NDE1: variants seen among roughly 807,000 people sequenced by gnomAD.
NDE1 encodes the protein nudE neurodevelopment protein 1, also known as nuclear distribution protein nudE homolog 1.
Under a neutral mutation model 43.4 loss-of-function variants are expected in NDE1, and 28 were observed. The observed-to-expected ratio is 0.65, with a 90% CI of 0.48 to 0.89. NDE1 has a LOEUF of 0.89. Among genes scored for constraint, NDE1 ranks in the 40% least tolerant of loss-of-function variants. The pLI is 0.00. For synonymous variants in NDE1, 184 were observed against 172.0 expected (o/e 1.07, Z -0.55); for missense variants, 441 against 434.1 (o/e 1.02, Z -0.14).
intron 1 of NDE1, among the ~76,000 whole-genome samples, chr16:15,644,323 G>A (rs187688432): frequency 6.6e-6 from 1 of 152,192 alleles, no homozygotes; most frequent in African/African-American, 2.4e-5. Flanking sequence ...CCATTACGTG[G>A]GGATTAACAC....
intron 6 of NDE1, among the ~76,000 whole-genome samples, chr16:15,693,751 A>C (rs2038871244): frequency 6.6e-6 from 1 of 152,120 alleles, no homozygotes. Context: ...ACCAGCCTGG[A>C]CAACGTGATG....
chr16:15,650,532 C>T (rs1012271680), intron 1 of NDE1, among the ~76,000 whole-genome samples: 1 of 152,246 alleles, frequency 6.6e-6, no homozygotes, highest in Non-Finnish European at 1.5e-5. Flanking sequence ...CACTGAGTGC[C>T]TTGCCACCGG....
chr16:15,698,657 A>G (rs1335369859), intron 8 of NDE1, among the ~76,000 whole-genome samples: 1 of 151,952 alleles, frequency 6.6e-6, no homozygotes, highest in African/African-American at 2.4e-5. Flanking sequence ...CCAGGAGTTC[A>G]CAAGACCAAA....
intron 1 of NDE1, among the ~76,000 whole-genome samples, chr16:15,645,124 T>C (rs1278609488): frequency 6.6e-6 from 1 of 152,166 alleles, no homozygotes; most frequent in Admixed American, 6.5e-5. Context: ...ATTGCCATGT[T>C]GGCCAGGCTG....
intron 8 of NDE1, chr16:15,719,471 A>C: frequency 6.4e-7 from 1 of 1,550,396 alleles, no homozygotes; most frequent in Non-Finnish European, 8.8e-7. Flanking sequence ...CTTTCTAGAC[A>C]GGTGGACCCC....
At position 15,695,583 on chromosome 16, in the gene NDE1, T is replaced by G. The variant is rs916282207; in HGVS notation, c.796-1126T>G. ...TGTTAATTACAGGGAGGGATCCTTTTGTGCTTAAGTAAAAACATAGGTATT... is the reference window on the plus strand; with the variant it reads ...TGTTAATTACAGGGAGGGATCCTTTGGTGCTTAAGTAAAAACATAGGTATT... On this transcript the variant is annotated intron_variant, in intron 7 of 8. Coordinates refer to ENST00000396354, the MANE Select transcript of NDE1 (RefSeq NM_017668.3). 3.0e-6 allele frequency: 3 copies of G among 985,188 alleles called. No individual in the cohort carries two copies. In the African/African-American group the frequency reaches 5.2e-5, roughly 17 times the overall value. 61.0% of individuals were successfully genotyped at this position (985,188 alleles called of 1,614,324 possible).
At chr16:15,709,468 C>T (rs534215635) in intron 8 of NDE1, among the ~76,000 whole-genome samples, 4 of 152,150 alleles carry the variant, frequency 2.6e-5, no homozygotes, top group African/African-American at 9.6e-5. Context: ...GCATGCACCA[C>T]CGTGGCTGGC....
intron 1 of NDE1, among the ~76,000 whole-genome samples, chr16:15,662,467 T>C (rs1157997312): frequency 1.3e-5 from 2 of 151,600 alleles, no homozygotes; most frequent in South Asian, 2.1e-4. Flanking sequence ...GTATTTTTAG[T>C]AGGGACAGGG....
chr16:15,643,651 C>T, exon 1 of NDE1: 1 of 272,956 alleles, frequency 3.7e-6, no homozygotes. Flanking sequence ...TATTCCCCAG[C>T]ATCCTAAATC....
At chr16:15,682,028 A>G (rs1395966981) in intron 4 of NDE1, among the ~76,000 whole-genome samples, 1 of 152,120 alleles carries the variant, frequency 6.6e-6, no homozygotes, top group Non-Finnish European at 1.5e-5. Context: ...TTCTTGTAGT[A>G]TTTTTGTTTT....
chr16:15,718,289 G>A (rs778792473), intron 8 of NDE1: 3 of 1,607,102 alleles, frequency 1.9e-6, no homozygotes, highest in Non-Finnish European at 2.5e-6. Context: ...TAGGCAGCGT[G>A]ACTGTGGTGT....
At chr16:15,664,981 A>T in intron 2 of NDE1, 120 bp downstream of exon 2, 1 of 755,554 alleles carries the variant, frequency 1.3e-6, no homozygotes. Context: ...CAGCCGCCTT[A>T]AACTCCTGGG....
At chr16:15,691,749 TC>T (rs2038765759) in intron 6 of NDE1, among the ~76,000 whole-genome samples, 1 of 151,600 alleles carries the variant, frequency 6.6e-6, no homozygotes, top group South Asian at 2.1e-4. Flanking sequence ...CAAGTGATTC[TC>T]CCACCTCATC....
At chr16:15,652,429 T>C (rs1403097396) in intron 1 of NDE1, among the ~76,000 whole-genome samples, 1 of 152,228 alleles carries the variant, frequency 6.6e-6, no homozygotes, top group Non-Finnish European at 1.5e-5. Flanking sequence ...TGAGCATTCC[T>C]GTGTACAGAA....
chr16:15,717,689 G>A (rs1216013358), intron 8 of NDE1: 1 of 394,278 alleles, frequency 2.5e-6, no homozygotes, highest in South Asian at 2.7e-5. Context: ...CCAGCTACTT[G>A]GGAGGTTGAA....
upstream of NDE1, among the ~76,000 whole-genome samples, chr16:15,645,576 C>G (rs572171242): frequency 6.6e-6 from 1 of 152,294 alleles, no homozygotes; most frequent in Admixed American, 6.5e-5. Flanking sequence ...TTTCTAAAGA[C>G]TAGGAGCCTA....
intron 7 of NDE1, chr16:15,695,675 C>G (rs948785314): frequency 4.4e-5 from 43 of 985,214 alleles, no homozygotes; most frequent in Non-Finnish European, 5.1e-5. Flanking sequence ...CAAGTTGTCA[C>G]TGTACACAGT....
At chr16:15,697,999 G>C (rs938051166) in intron 8 of NDE1, among the ~76,000 whole-genome samples, 1 of 151,856 alleles carries the variant, frequency 6.6e-6, no homozygotes, top group Non-Finnish European at 1.5e-5. Flanking sequence ...GTCGAGACGG[G>C]GTTTCACTGT....
intron 8 of NDE1, chr16:15,699,566 G>T: frequency 8.4e-7 from 1 of 1,188,140 alleles, no homozygotes; most frequent in Non-Finnish European, 1.1e-6. Context: ...CTGAGAGCCA[G>T]GTAGCCAGTG....
Sources: gnomAD v4.1 joint callset for allele counts (sites outside exome capture counted in the v4.1 genomes callset) on GRCh38, gnomAD v4.1.1 for gene constraint, MANE v1.5 for transcripts, NCBI Gene and HGNC (gene_info 2026-07-23, HGNC 2026-07-21) for gene names.